Variants in PCDH7 observed in about 807,000 individuals in gnomAD.
PCDH7 encodes the protein protocadherin 7.
In PCDH7, 17 loss-of-function variants were observed where a neutral mutation model predicts 58.9. The observed-to-expected ratio is 0.29, with a 90% confidence interval of 0.20 to 0.43. The LOEUF (loss-of-function observed/expected upper bound fraction) is 0.43, where lower values mean the gene tolerates loss of function less well. Ranked by LOEUF, PCDH7 falls within the 20% of genes least tolerant of loss-of-function variation. PCDH7 has a pLI of 1.00. For synonymous variants in PCDH7, 664 were observed against 616.4 expected, an observed-to-expected ratio of 1.08 and a Z score of -1.14; for missense variants, 1,274 against 1,441.0, an observed-to-expected ratio of 0.88 and a Z score of 1.88.
chr4:31,037,584 T>C (rs1477062645), intron 3 of PCDH7, among the ~76,000 whole-genome samples: 1 of 152,212 alleles, frequency 6.6e-6, no homozygotes, highest in Non-Finnish European at 1.5e-5. Context: ...GATTAAAATA[T>C]TCAAAAGTCT....
chr4:30,791,149 G>A (rs1724075236), intron 1 of PCDH7, among the ~76,000 whole-genome samples: 1 of 152,050 alleles, frequency 6.6e-6, no homozygotes, highest in African/African-American at 2.4e-5. Flanking sequence ...TGAACAGGGA[G>A]CGTTCACAGC....
intron 3 of PCDH7, among the ~76,000 whole-genome samples, chr4:31,059,272 C>G (rs1257118360): frequency 6.6e-6 from 1 of 151,910 alleles, no homozygotes; most frequent in Non-Finnish European, 1.5e-5. Context: ...ATGACAGCAT[C>G]TGTATGACTT....
chr4:31,049,348 C>A (rs1214727362), intron 3 of PCDH7, among the ~76,000 whole-genome samples: 4 of 152,016 alleles, frequency 2.6e-5, no homozygotes, highest in African/African-American at 9.7e-5. Flanking sequence ...CCCATTTCTT[C>A]CAAGTCATTA....
chr4:31,031,205 A>AT (rs1560588700), intron 3 of PCDH7, among the ~76,000 whole-genome samples: 1 of 152,140 alleles, frequency 6.6e-6, no homozygotes, highest in African/African-American at 2.4e-5. Flanking sequence ...AATGAGGAGA[A>AT]TTTTTGACAC....
At chr4:30,810,889 T>G (rs1726905620) in intron 1 of PCDH7, among the ~76,000 whole-genome samples, 1 of 152,152 alleles carries the variant, frequency 6.6e-6, no homozygotes, top group Non-Finnish European at 1.5e-5. Context: ...AGATTACAGG[T>G]GTGAGCCACC....
intron 1 of PCDH7, among the ~76,000 whole-genome samples, chr4:30,865,770 G>A (rs897240847): frequency 1.3e-5 from 2 of 152,124 alleles, no homozygotes; most frequent in Middle Eastern, 3.4e-3. Flanking sequence ...CTCAGTTGAT[G>A]AACAGTTGAC....
chr4:30,855,920 T>C (rs1219188536), intron 1 of PCDH7, among the ~76,000 whole-genome samples: 1 of 152,120 alleles, frequency 6.6e-6, no homozygotes, highest in East Asian at 1.9e-4. Context: ...AAATGTCGGA[T>C]CTGTCGGCAT....
chr4:30,894,142 A>T (rs895518046), intron 1 of PCDH7, among the ~76,000 whole-genome samples: 5 of 152,048 alleles, frequency 3.3e-5, no homozygotes, highest in Non-Finnish European at 7.4e-5. Context: ...ATTCTGAAGG[A>T]TTATCTCCAG....
In PCDH7 at chr4:30,989,147, T is replaced by G. The variant is rs187682798; in HGVS notation, c.*7+38932T>G. ...CTTTTTGGACAGAATCAAATCACAG[T>G]TTTTTTTTTCCAGAAACTTGTTTCT... On this transcript the variant is annotated intron_variant, in intron 3 of 3. Coordinates refer to the PCDH7 transcript ENST00000509759. Among the ~76,000 whole-genome samples, 406 of 103,674 alleles carry G rather than the reference T, an allele frequency of 3.9e-3. 3 individuals are homozygous for G. Among genetic ancestry groups the G allele is most frequent in the Middle Eastern group, 0.033 (6 of 184 alleles). 68.0% of individuals were successfully genotyped at this position (103,674 alleles called of 152,430 possible). A position where few individuals can be genotyped will look rare whatever the true frequency, so the allele number is the denominator to read the frequency against.
chr4:31,018,773 A>G (rs539361269), intron 3 of PCDH7, among the ~76,000 whole-genome samples: 2 of 152,204 alleles, frequency 1.3e-5, no homozygotes, highest in East Asian at 1.9e-4. Context: ...TTCTCCAACC[A>G]TGATTTTCTA....
In PCDH7 at chr4:30,777,140, G is replaced by A. The variant is rs143962116; in HGVS notation, c.70+52544G>A. ...CTGTGCTTAAAACTCCAATACTGCC[G>A]TTTTAGATCTGTGATTTGGGGAAAG... On this transcript the variant is annotated intron_variant, in intron 1 of 3. Transcript: ENST00000509759. 5.1e-3 allele frequency among the ~76,000 whole-genome samples: 769 copies of A among 152,176 alleles called. 7 individuals carry two copies. Among genetic ancestry groups the A allele is most frequent in the African/African-American group, 0.017 (724 of 41,532 alleles).
intron 1 of PCDH7, among the ~76,000 whole-genome samples, chr4:30,834,312 G>T (rs80311951): frequency 3.3e-5 from 5 of 151,992 alleles, no homozygotes; most frequent in Non-Finnish European, 7.4e-5. Flanking sequence ...TTTTCCTTTT[G>T]CACGAGGCCT....
chr4:31,056,457 A>G (rs867421829), intron 3 of PCDH7, among the ~76,000 whole-genome samples: 4 of 26,154 alleles, frequency 1.5e-4, no homozygotes, highest in Non-Finnish European at 2.5e-4. Context: ...AAAGAAAGAA[A>G]GAAGAAAGAA....
intron 1 of PCDH7, among the ~76,000 whole-genome samples, chr4:30,815,583 G>A (rs73213199): frequency 0.027 from 4,104 of 152,290 alleles, 117 homozygotes; most frequent in African/African-American, 0.072. Flanking sequence ...GGGAGAGGAC[G>A]CATGCGCGGT....
chr4:30,765,217 A>C (rs1167728541), intron 1 of PCDH7, among the ~76,000 whole-genome samples: 1 of 139,864 alleles, frequency 7.1e-6, no homozygotes, highest in Non-Finnish European at 1.5e-5. Context: ...GTTCCTGAAA[A>C]CGACCTCGAA....
intron 1 of PCDH7, among the ~76,000 whole-genome samples, chr4:30,871,928 C>T (rs1276339347): frequency 6.6e-6 from 1 of 152,066 alleles, no homozygotes; most frequent in Non-Finnish European, 1.5e-5. Context: ...TGGCATCATT[C>T]TCTCTTTGCA....
chr4:30,756,115 C>T (rs529166884), intron 1 of PCDH7, among the ~76,000 whole-genome samples: 46 of 152,074 alleles, frequency 3.0e-4, no homozygotes, highest in African/African-American at 9.9e-4. Context: ...AAATATATGG[C>T]GGAGGTCAAA....
At chr4:31,098,161 G>A (rs1054645700) in intron 3 of PCDH7, among the ~76,000 whole-genome samples, 5 of 152,118 alleles carry the variant, frequency 3.3e-5, no homozygotes, top group Non-Finnish European at 7.4e-5. Context: ...CCCACGCAGG[G>A]ATGTCACTGC....
intron 1 of PCDH7, among the ~76,000 whole-genome samples, chr4:30,797,568 C>G (rs1051702577): frequency 5.3e-5 from 8 of 152,188 alleles, no homozygotes; most frequent in African/African-American, 1.9e-4. Context: ...GCCACCGTGC[C>G]CAGCCCACTT....
Sources: gnomAD v4.1 joint callset for allele counts (sites outside exome capture counted in the v4.1 genomes callset) on GRCh38, gnomAD v4.1.1 for gene constraint, MANE v1.5 for transcripts, NCBI Gene and HGNC (gene_info 2026-07-23, HGNC 2026-07-21) for gene names.